MAP3K20: variants seen among roughly 807,000 people sequenced by gnomAD.
MAP3K20 encodes mitogen-activated protein kinase kinase kinase 20.
In MAP3K20, 40 loss-of-function variants were observed where a neutral mutation model predicts 85.7. The ratio of observed to expected loss-of-function variants is 0.47; its 90% CI spans 0.36 to 0.61. The LOEUF is 0.61. MAP3K20 is among the 20% of genes least tolerant of loss of function. MAP3K20 has a pLI of 0.00. For synonymous variants in MAP3K20, 325 were observed against 327.7 expected, an observed-to-expected ratio of 0.99 and a Z score of 0.09; for missense variants, 817 against 961.7, an observed-to-expected ratio of 0.85 and a Z score of 1.99.
intron 2 of MAP3K20, among the ~76,000 whole-genome samples, chr2:173,159,611 A>C (rs1689589978): frequency 6.6e-6 from 1 of 151,986 alleles, no homozygotes; most frequent in Non-Finnish European, 1.5e-5. Context: ...ACTGGTCTTG[A>C]ACTCCTGAGC....
intron 7 of MAP3K20, among the ~76,000 whole-genome samples, chr2:173,196,026 T>C (rs1286315663): frequency 6.6e-6 from 1 of 152,188 alleles, no homozygotes; most frequent in East Asian, 1.9e-4. Context: ...CCCAAACTCT[T>C]GGATTTGCAA....
chr2:173,238,258 C>T (rs1413977510), intron 14 of MAP3K20, 115 bp from the exon 15 acceptor site: 1 of 831,158 alleles, frequency 1.2e-6, no homozygotes, highest in East Asian at 2.6e-5. Flanking sequence ...TATAAATGCC[C>T]CCAAGATATT....
At chr2:173,121,536 G>A (rs1024901119) in intron 2 of MAP3K20, among the ~76,000 whole-genome samples, 11 of 151,866 alleles carry the variant, frequency 7.2e-5, no homozygotes, top group Non-Finnish European at 1.0e-4. Context: ...ACAGGCGCCC[G>A]CCACCACGCC....
chr2:173,254,238 AC>A (rs1250466969), intron 16 of MAP3K20, among the ~76,000 whole-genome samples: 1 of 148,140 alleles, frequency 6.8e-6, no homozygotes, highest in Non-Finnish European at 1.5e-5. Context: ...ACATGGTGAA[AC>A]CCCATCTCTC....
intron 2 of MAP3K20, among the ~76,000 whole-genome samples, chr2:173,168,015 G>T (rs578152167): frequency 2.6e-4 from 39 of 151,804 alleles, no homozygotes; most frequent in Admixed American, 2.5e-3. Flanking sequence ...ACTTAAAATG[G>T]GGGCTTTGTG....
At chr2:173,089,670 C>T (rs866206953) in intron 1 of MAP3K20, among the ~76,000 whole-genome samples, 2 of 151,980 alleles carry the variant, frequency 1.3e-5, no homozygotes, top group African/African-American at 4.8e-5. Context: ...GCAACCTCCA[C>T]CTCCTGGGTT....
At chr2:173,248,614 T>C (rs1684975244) in intron 16 of MAP3K20, among the ~76,000 whole-genome samples, 1 of 152,212 alleles carries the variant, frequency 6.6e-6, no homozygotes, top group Middle Eastern at 3.2e-3. Context: ...ACCTGCTGAA[T>C]GGATTGACAG....
chr2:173,187,695 C>T, intron 5 of MAP3K20, 72 bp downstream of exon 5: 1 of 1,320,548 alleles, frequency 7.6e-7, no homozygotes, highest in Non-Finnish European at 1.1e-6. Context: ...AAATGAGCAT[C>T]ATTCTTTTAC....
chr2:173,234,349 T>C (rs547852945), intron 14 of MAP3K20, among the ~76,000 whole-genome samples: 1 of 152,308 alleles, frequency 6.6e-6, no homozygotes, highest in South Asian at 2.1e-4. Context: ...CTATTTATTG[T>C]TCAAAAAATT....
intron 2 of MAP3K20, among the ~76,000 whole-genome samples, chr2:173,165,606 T>C (rs560959031): frequency 2.6e-5 from 4 of 152,348 alleles, no homozygotes; most frequent in South Asian, 2.1e-4. Flanking sequence ...TTTAAACTTT[T>C]GTATTGTGGT....
intron 1 of MAP3K20, among the ~76,000 whole-genome samples, chr2:173,083,445 C>T (rs1687064038): frequency 6.6e-6 from 1 of 152,026 alleles, no homozygotes; most frequent in African/African-American, 2.4e-5. Flanking sequence ...CCTCGACCTC[C>T]TGGGCTCAAG....
At chr2:173,256,350 A>G (rs1685158082) in intron 16 of MAP3K20, among the ~76,000 whole-genome samples, 1 of 152,220 alleles carries the variant, frequency 6.6e-6, no homozygotes. Context: ...ACACAGAGCC[A>G]GGAGCAGTGG....
intron 1 of MAP3K20, among the ~76,000 whole-genome samples, chr2:173,085,009 G>GAAGT (rs1312916683): frequency 1.3e-5 from 2 of 152,200 alleles, no homozygotes; most frequent in East Asian, 3.8e-4. Context: ...ATGTATCAAT[G>GAAGT]AAGTCAAATA....
chr2:173,203,933 T>G (rs1162341672), intron 9 of MAP3K20, 63 bp downstream of exon 9: 1 of 1,464,690 alleles, frequency 6.8e-7, no homozygotes, highest in Non-Finnish European at 9.6e-7. Context: ...GGCTTTCAGT[T>G]TTTAAAACTT....
chr2:173,255,298 GA>G, intron 16 of MAP3K20, among the ~76,000 whole-genome samples: 1 of 152,092 alleles, frequency 6.6e-6, no homozygotes, highest in Admixed American at 6.6e-5. Context: ...CCCATTTATG[GA>G]GCTCAACAAA....
At chr2:173,109,966 A>G (rs1687896152) in intron 2 of MAP3K20, among the ~76,000 whole-genome samples, 1 of 151,666 alleles carries the variant, frequency 6.6e-6, no homozygotes, top group Non-Finnish European at 1.5e-5. Context: ...CAGATGAGAA[A>G]TGTCTTTCTC....
In MAP3K20 at chr2:173,169,875, A is replaced by G. The variant is rs768310112; in HGVS notation, c.230A>G (p.Asn77Ser). 4 of 1,613,726 alleles carry G rather than the reference A, an allele frequency of 2.5e-6. No individual in the cohort carries two copies. The highest frequency in any genetic ancestry group is 1.3e-5 in the African/African-American group (1 of 74,920). The change falls in exon 3 of 20, where the codon AAC (asparagine) becomes AGC (serine). Residue 77 changes from asparagine to serine, a missense_variant. Asn to Ser is a conservative substitution (Grantham distance 46). Around this residue, in one of 4 missense-constraint regions of MAP3K20, gnomAD observed 200 missense variants for 302.7 expected, o/e 0.66. Coordinates refer to ENST00000375213, the MANE Select transcript of MAP3K20 (RefSeq NM_016653.3). ...TATGGAGTAATTCTTGAACCTCCCAACTATGGCATTGTCACAGGTAAGAAT... is the reference window on the plus strand; with the variant it reads ...TATGGAGTAATTCTTGAACCTCCCAGCTATGGCATTGTCACAGGTAAGAAT... Reference protein sequence around the residue: ...QFYGVILEPPNYGIVTEYASL... With the variant: ...QFYGVILEPPSYGIVTEYASL...
chr2:173,181,787 C>CCAAGCTCAAGCTCAAG (rs1292901274), intron 3 of MAP3K20, among the ~76,000 whole-genome samples: 1 of 151,884 alleles, frequency 6.6e-6, no homozygotes, highest in Non-Finnish European at 1.5e-5. Flanking sequence ...GTGGCTCAAG[C>CCAAGCTCAAGCTCAAG]CTGTAATCCC....
At chr2:173,150,572 AT>A (rs918670613) in intron 2 of MAP3K20, among the ~76,000 whole-genome samples, 1 of 151,914 alleles carries the variant, frequency 6.6e-6, no homozygotes, top group African/African-American at 2.4e-5. Context: ...CCTTAAAAAA[AT>A]TTTTTTTCTT....
Sources: allele counts gnomAD v4.1 joint callset (sites outside exome capture counted in the v4.1 genomes callset), GRCh38; gene constraint gnomAD v4.1.1; regional missense constraint gnomAD v4.1.1; transcripts MANE v1.5; gene names NCBI Gene and HGNC (gene_info 2026-07-23, HGNC 2026-07-21).